The following SORBS2 variants were observed in gnomAD, a reference collection of about 807,000 sequenced individuals.
SORBS2 encodes the protein sorbin and SH3 domain containing 2.
In SORBS2, 46 loss-of-function variants were observed where a neutral mutation model predicts 97.7. The observed-to-expected ratio is 0.47, with a 90% CI of 0.37 to 0.60. SORBS2 has a LOEUF of 0.60. Among genes scored for constraint, SORBS2 ranks in the 20% least tolerant of loss-of-function variants. The pLI, the probability that SORBS2 is intolerant of heterozygous loss-of-function variation, is 0.00. For synonymous variants in SORBS2, 476 were observed against 473.4 expected (o/e 1.01, Z -0.07); for missense variants, 1,316 against 1,282.3 (o/e 1.03, Z -0.40).
At chr4:185,706,788 C>T (rs1485721576) in intron 2 of SORBS2, among the ~76,000 whole-genome samples, 1 of 152,140 alleles carries the variant, frequency 6.6e-6, no homozygotes, top group Non-Finnish European at 1.5e-5. Flanking sequence ...TGATATAATG[C>T]TGCATATAAT....
At chr4:185,718,637 C>T (rs1376252179) in intron 2 of SORBS2, among the ~76,000 whole-genome samples, 2 of 152,168 alleles carry the variant, frequency 1.3e-5, no homozygotes. Flanking sequence ...CACAAGGACA[C>T]CTATGTTTAT....
intron 12 of SORBS2, among the ~76,000 whole-genome samples, chr4:185,597,275 G>C (rs2096127236): frequency 6.6e-6 from 1 of 152,098 alleles, no homozygotes; most frequent in Non-Finnish European, 1.5e-5. Context: ...ACAAGATGAG[G>C]GTTAATCGGG....
chr4:185,835,396 G>T (rs1049818661), intron 1 of SORBS2, among the ~76,000 whole-genome samples: 1 of 152,146 alleles, frequency 6.6e-6, no homozygotes, highest in African/African-American at 2.4e-5. Context: ...AATTCTAACG[G>T]TGTTCAAAAT....
chr4:185,907,013 G>A (rs1423779741), intron 1 of SORBS2, among the ~76,000 whole-genome samples: 1 of 152,064 alleles, frequency 6.6e-6, no homozygotes, highest in East Asian at 1.9e-4. Context: ...GTGCGAGCCT[G>A]TAATCCCAGC....
At chr4:185,794,791 G>T (rs1238290075) in intron 1 of SORBS2, among the ~76,000 whole-genome samples, 1 of 151,954 alleles carries the variant, frequency 6.6e-6, no homozygotes, top group Non-Finnish European at 1.5e-5. Context: ...TGTGACTGAG[G>T]GTCAGGGTGA....
At chr4:185,855,214 G>A (rs2099220132) in intron 1 of SORBS2, among the ~76,000 whole-genome samples, 1 of 152,112 alleles carries the variant, frequency 6.6e-6, no homozygotes, top group African/African-American at 2.4e-5. Flanking sequence ...TAGTAAGTGA[G>A]GCCTTCCCCT....
At chr4:185,657,525 G>A (rs778757939), upstream of SORBS2, 1 of 1,571,932 alleles carries the variant, frequency 6.4e-7, no homozygotes, top group Non-Finnish European at 8.6e-7. Context: ...TCTGAGGATC[G>A]GTACAGGGGG....
At chr4:185,683,714 G>T (rs1399033343) in intron 2 of SORBS2, among the ~76,000 whole-genome samples, 1 of 151,986 alleles carries the variant, frequency 6.6e-6, no homozygotes, top group African/African-American at 2.4e-5. Flanking sequence ...TTTAAACTTG[G>T]ACGTTGAAAT....
chr4:185,879,005 TTTTGTTTGTTTG>T (rs372565455), intron 1 of SORBS2, among the ~76,000 whole-genome samples: 1 of 152,074 alleles, frequency 6.6e-6, no homozygotes, highest in Non-Finnish European at 1.5e-5. Context: ...TCGGCTTTGT[TTTTGTTTGTTTG>T]TTTGTTTGTT....
intron 1 of SORBS2, among the ~76,000 whole-genome samples, chr4:185,899,556 G>T (rs1001418078): frequency 4.6e-4 from 70 of 152,176 alleles, no homozygotes; most frequent in Middle Eastern, 3.4e-3. Context: ...CTCCCCAGAG[G>T]CTGGGACCCT....
intron 1 of SORBS2, among the ~76,000 whole-genome samples, chr4:185,944,278 C>T (rs1040495993): frequency 6.6e-6 from 1 of 152,212 alleles, no homozygotes; most frequent in African/African-American, 2.4e-5. Flanking sequence ...GAAGCACCCA[C>T]TTAAAGCCAC....
chr4:185,649,677 A>C, intron 2 of SORBS2, 21 bp from the exon 12 acceptor site: 1 of 1,343,564 alleles, frequency 7.4e-7, no homozygotes, highest in Non-Finnish European at 9.6e-7. Flanking sequence ...AAAAAACAAA[A>C]GCAGACAAAA....
intron 1 of SORBS2, among the ~76,000 whole-genome samples, chr4:185,890,907 A>G (rs2099242144): frequency 6.6e-6 from 1 of 152,182 alleles, no homozygotes; most frequent in Non-Finnish European, 1.5e-5. Context: ...TATGTTTTAT[A>G]GTATTGAACA....
At chr4:185,946,247 T>A (rs1437991823) in intron 1 of SORBS2, among the ~76,000 whole-genome samples, 1 of 152,078 alleles carries the variant, frequency 6.6e-6, no homozygotes, top group Admixed American at 6.5e-5. Context: ...CATGAGTAGA[T>A]GTGTGTTTTC....
At chr4:185,669,080 C>T (rs945464162) in intron 4 of SORBS2, among the ~76,000 whole-genome samples, 1 of 152,178 alleles carries the variant, frequency 6.6e-6, no homozygotes, top group Admixed American at 6.5e-5. Flanking sequence ...CTAAAGAGAG[C>T]CTGTGGATGA....
At chr4:185,621,846 T>C (rs894343200) in intron 7 of SORBS2, among the ~76,000 whole-genome samples, 1 of 152,202 alleles carries the variant, frequency 6.6e-6, no homozygotes, top group African/African-American at 2.4e-5. Context: ...TTGGACGAAT[T>C]TCCTTTCCTC....
At chr4:185,724,558 C>T (rs2098542312) in intron 2 of SORBS2, among the ~76,000 whole-genome samples, 1 of 152,126 alleles carries the variant, frequency 6.6e-6, no homozygotes, top group Non-Finnish European at 1.5e-5. Context: ...ATATTGTTGC[C>T]TGAGGACTCT....
At chr4:185,918,094 A>G (rs769675749) in intron 1 of SORBS2, 6 of 152,218 alleles carry the variant, frequency 3.9e-5, no homozygotes, top group Non-Finnish European at 8.8e-5. Context: ...TATTTACTCA[A>G]CCAGTGTTTA....
At chr4:185,892,085 G>A (rs139411312) in intron 1 of SORBS2, among the ~76,000 whole-genome samples, 98 of 152,124 alleles carry the variant, frequency 6.4e-4, no homozygotes, top group East Asian at 1.7e-3. Context: ...CGCCTGCCTC[G>A]GTCTCCCAAA....
Sources: gnomAD v4.1 joint callset for allele counts (sites outside exome capture counted in the v4.1 genomes callset) on GRCh38, gnomAD v4.1.1 for gene constraint, MANE v1.5 for transcripts, NCBI Gene and HGNC (gene_info 2026-07-23, HGNC 2026-07-21) for gene names.